DNAH14: variants seen among roughly 807,000 people sequenced by gnomAD.
DNAH14 encodes the protein axonemal beta dynein heavy chain 14.
Under a neutral mutation model 520.9 loss-of-function variants are expected in DNAH14, and 478 were observed. That is an observed-to-expected ratio of 0.92 (90% CI 0.85 to 0.99). The LOEUF (loss-of-function observed/expected upper bound fraction) is 0.99. DNAH14 is among the 50% of genes least tolerant of loss of function. The pLI, the probability that DNAH14 is intolerant of heterozygous loss-of-function variation, is 0.00. For missense variants in DNAH14, 4,831 were observed against 5,234.5 expected, an observed-to-expected ratio of 0.92 and a Z score of 2.38; for synonymous variants, 1,581 against 1,757.2, an observed-to-expected ratio of 0.90 and a Z score of 2.51.
Position 225,276,938 on chromosome 1 carries a change from AG to A in DNAH14, c.8179-471del, listed in dbSNP as rs1460214306. 1.2e-3 allele frequency among the ~76,000 whole-genome samples: 147 copies of A among 121,634 alleles called. 1 individual carries two copies. The highest frequency in any genetic ancestry group is 7.6e-3 in the Middle Eastern group (2 of 264). 79.8% of individuals were successfully genotyped at this position (121,634 alleles called of 152,430 possible). On this transcript the variant is annotated intron_variant, in intron 53 of 85. Transcript: ENST00000682510. ...CCTGTCTAAAAGAAAAATAAGAAGA[AG>A]AAAAAGGAAGGAAGGAAGGAAGGAA...
At chr1:224,948,265 A>G (rs968009471) in intron 1 of DNAH14, among the ~76,000 whole-genome samples, 4 of 151,836 alleles carry the variant, frequency 2.6e-5, no homozygotes, top group African/African-American at 7.3e-5. Context: ...TGTTAAGTCC[A>G]AATTCCAAAC....
rs768544660 is a variant in DNAH14, at chr1:225,358,556, A to G, written c.11680A>G (p.Met3894Val). 64 of 1,548,940 alleles carry G rather than the reference A, an allele frequency of 4.1e-5. No individual in the cohort carries two copies. Among genetic ancestry groups the G allele is most frequent in the Non-Finnish European group, 5.2e-5 (60 of 1,145,898 alleles). The change falls in exon 74 of 86, where the codon ATG (methionine) becomes GTG (valine). Residue 3894 changes from methionine (M) to valine (V), a missense_variant. Met to Val is a conservative substitution (Grantham distance 21). Coordinates refer to ENST00000682510, the MANE Select transcript of DNAH14 (RefSeq NM_001367479.1). The stretch of plus-strand genomic sequence containing the variant: ...AGTGAGAAAGTTTATAACTGAAAAA[A>G]TGGGAAATAAGTATCTTCAAAGAAC... ...NSVRKFITEK[M>V]GNKYLQRTGV...
At chr1:225,050,627 T>C (rs1188331183) in intron 16 of DNAH14, among the ~76,000 whole-genome samples, 1 of 152,240 alleles carries the variant, frequency 6.6e-6, no homozygotes, top group African/African-American at 2.4e-5. Flanking sequence ...TCGTCAGTTG[T>C]TGACTTGCCA....
chr1:225,278,450 C>G (rs116737434), intron 54 of DNAH14, among the ~76,000 whole-genome samples: 450 of 152,296 alleles, frequency 3.0e-3, no homozygotes, highest in African/African-American at 0.011. Flanking sequence ...CCACTGTTAT[C>G]ATCACCTGGA....
intron 10 of DNAH14, among the ~76,000 whole-genome samples, chr1:225,021,399 T>C (rs530119558): frequency 6.6e-6 from 1 of 152,306 alleles, no homozygotes; most frequent in South Asian, 2.1e-4. Context: ...AACCTTATAG[T>C]TTCTGTCCAA....
At chr1:224,946,905 G>A (rs971054793) in intron 1 of DNAH14, among the ~76,000 whole-genome samples, 2 of 128,594 alleles carry the variant, frequency 1.6e-5, no homozygotes, top group Admixed American at 7.8e-5. Context: ...GTATATCAAC[G>A]TTTCATCTAC....
At chr1:225,265,076 A>G (rs2093063746) in intron 47 of DNAH14, 106 bp from the exon 48 acceptor site, 1 of 810,018 alleles carries the variant, frequency 1.2e-6, no homozygotes, top group African/African-American at 1.8e-5. Flanking sequence ...TGACAACAAA[A>G]TAGTAAAATT....
intron 66 of DNAH14, among the ~76,000 whole-genome samples, chr1:225,335,343 GTGTGTATATGCATA>G (rs1458563097): frequency 4.3e-5 from 4 of 93,318 alleles, no homozygotes; most frequent in African/African-American, 1.6e-4. Context: ...GTGTACATGT[GTGTGTATATGCATA>G]TACACGTGTA....
intron 1 of DNAH14, among the ~76,000 whole-genome samples, chr1:224,944,975 A>G (rs1013877136): frequency 2.0e-5 from 3 of 151,934 alleles, no homozygotes; most frequent in Non-Finnish European, 4.4e-5. Context: ...TGTGTCTTGG[A>G]GTTGCTCTTC....
intron 57 of DNAH14, among the ~76,000 whole-genome samples, chr1:225,304,172 C>G: frequency 6.6e-6 from 1 of 152,188 alleles, no homozygotes; most frequent in East Asian, 1.9e-4. Context: ...TCTGCACATC[C>G]TTTGGGTCCT....
At chr1:225,265,481 C>T (rs949094967) in intron 48 of DNAH14, 112 bp downstream of exon 48, 1 of 923,124 alleles carries the variant, frequency 1.1e-6, no homozygotes, top group African/African-American at 1.8e-5. Flanking sequence ...CATTTTTGAA[C>T]ATCATAGAAG....
In DNAH14 at chr1:225,364,879, T is replaced by TA; in HGVS notation, c.12080dup (p.Leu4029PhefsTer14). On this transcript the variant is annotated frameshift_variant, in exon 76 of 86. Coordinates refer to ENST00000682510, the MANE Select transcript of DNAH14 (RefSeq NM_001367479.1). LOFTEE classifies it high-confidence loss of function. The stretch of plus-strand genomic sequence containing the variant: ...ACAGTTCTTTTCCAATTCCTGTTCT[T>TA]AAAAAGGGTTTAAAGGTAAGAACAA... 1 of 1,546,928 alleles carries TA rather than the reference T, an allele frequency of 6.5e-7. No individual in the cohort carries two copies. Among genetic ancestry groups the TA allele is most frequent in the Non-Finnish European group, 8.7e-7 (1 of 1,145,128 alleles).
intron 31 of DNAH14, 63 bp downstream of exon 31, chr1:225,147,312 A>G: frequency 7.2e-6 from 10 of 1,386,526 alleles, no homozygotes; most frequent in Non-Finnish European, 9.3e-6. Flanking sequence ...ATGTTTAGTT[A>G]ATTATTGTTA....
At chr1:225,368,532 T>A (rs2095580501) in intron 77 of DNAH14, among the ~76,000 whole-genome samples, 1 of 152,204 alleles carries the variant, frequency 6.6e-6, no homozygotes, top group Non-Finnish European at 1.5e-5. Flanking sequence ...CTATTCTCTA[T>A]ATAGAACCTT....
At chr1:224,960,374 T>C in intron 4 of DNAH14, 72 bp downstream of exon 4, 1 of 1,388,722 alleles carries the variant, frequency 7.2e-7, no homozygotes, top group South Asian at 1.9e-5. Flanking sequence ...GTTTGTGTGC[T>C]TATATTGGAC....
Position 225,284,341 on chromosome 1 carries a change from A to T in DNAH14, c.8272-5544A>T, listed in dbSNP as rs184662983. On this transcript the variant is annotated intron_variant, in intron 54 of 85. Coordinates refer to ENST00000682510, the MANE Select transcript of DNAH14 (RefSeq NM_001367479.1). ...TATTACTATCAATATTACAGAAATTAAAAAAAGATTATAAGAGAATACTAT... is the reference window on the plus strand; with the variant it reads ...TATTACTATCAATATTACAGAAATTTAAAAAAGATTATAAGAGAATACTAT... Among the ~76,000 whole-genome samples, 211 of 152,238 alleles carry T rather than the reference A, an allele frequency of 1.4e-3. 5 individuals carry two copies. In the East Asian group the frequency reaches 0.038, roughly 27 times the overall value.
At chr1:225,225,389 A>G (rs985678114) in intron 41 of DNAH14, among the ~76,000 whole-genome samples, 1 of 152,080 alleles carries the variant, frequency 6.6e-6, no homozygotes, top group Non-Finnish European at 1.5e-5. Context: ...TCTTCTTTTA[A>G]CTTTTGTGTT....
chr1:225,398,681 A>G lies in DNAH14; in HGVS notation c.13638+15A>G, dbSNP rs902011677. ...TGCCAACAAAGGTAATCACCCTGCT[A>G]TTATCCTGAAGTCCTAAACCTCTGA... On this transcript the variant is annotated intron_variant, in intron 85 of 85. Coordinates refer to ENST00000682510, the MANE Select transcript of DNAH14 (RefSeq NM_001367479.1). The G allele has an allele frequency of 1.3e-6, 2 of 1,551,262 alleles. No individual in the cohort carries two copies. Among genetic ancestry groups the G allele is most frequent in the East Asian group, 4.9e-5 (2 of 40,916 alleles).
intron 56 of DNAH14, 72 bp from the exon 57 acceptor site, chr1:225,303,084 G>T (rs957795587): frequency 8.8e-7 from 1 of 1,132,396 alleles, no homozygotes; most frequent in Non-Finnish European, 1.2e-6. Flanking sequence ...GTTTTCCATG[G>T]AATTTTTAAT....
Sources: allele counts gnomAD v4.1 joint callset (sites outside exome capture counted in the v4.1 genomes callset), GRCh38; gene constraint gnomAD v4.1.1; transcripts MANE v1.5; gene names NCBI Gene and HGNC (gene_info 2026-07-23, HGNC 2026-07-21).